Variants in CNKSR3 observed in about 807,000 individuals in gnomAD.
CNKSR3 encodes the protein CNKSR family member 3.
CNKSR3 carries 36 observed loss-of-function variants against 67.7 expected under a neutral mutation model. That is an observed-to-expected ratio of 0.53 (90% CI 0.41 to 0.70). CNKSR3 has a LOEUF of 0.70. Among genes scored for constraint, CNKSR3 ranks in the 30% least tolerant of loss-of-function variants. The pLI is 0.00. For synonymous variants in CNKSR3, 281 were observed against 271.4 expected, an observed-to-expected ratio of 1.04 and a Z score of -0.35; for missense variants, 630 against 695.2, an observed-to-expected ratio of 0.91 and a Z score of 1.05.
chr6:154,452,990 A>C (rs1177491768), intron 1 of CNKSR3, among the ~76,000 whole-genome samples: 2 of 152,212 alleles, frequency 1.3e-5, no homozygotes, highest in Admixed American at 6.5e-5. Flanking sequence ...AACATAATAC[A>C]AATACAATAA....
rs912253097 is a variant in CNKSR3 at position 154,388,259 on chromosome 6, C to T, written c.*18095G>A. 1.3e-5 allele frequency: 2 copies of T among 152,152 alleles called. No homozygotes were observed. The highest frequency in any genetic ancestry group is 2.4e-5 in the African/African-American group (1 of 41,440). The allele number at this position is 152,152 out of a possible 1,614,324, so 9.4% of individuals were successfully genotyped here. On this transcript the variant is annotated 3_prime_UTR_variant, in exon 13 of 13. Coordinates refer to ENST00000607772, the MANE Select transcript of CNKSR3 (RefSeq NM_173515.4). ...AATATCCCACATAAATTGAATCCTG[C>T]CATATTAGTCTTTCTGTTAATAGTT...
Position 154,394,039 on chromosome 6 carries a change from A to T in CNKSR3, c.*12315T>A. On this transcript the variant is annotated 3_prime_UTR_variant, in exon 13 of 13. Transcript: ENST00000607772. ...ATTGTCATTTCTTTTCTTTTGTGAG[A>T]TGAGGGTTTTGCTTTGTCATCCAGA... 6.6e-6 allele frequency: 1 copy of T among 152,196 alleles called. No homozygotes were observed. Among genetic ancestry groups the T allele is most frequent in the Non-Finnish European group, 1.5e-5 (1 of 68,024 alleles). The allele number at this position is 152,196 out of a possible 1,614,324, so 9.4% of individuals were successfully genotyped here.
At chr6:154,451,293 C>T (rs1035840184) in intron 1 of CNKSR3, among the ~76,000 whole-genome samples, 8 of 152,170 alleles carry the variant, frequency 5.3e-5, no homozygotes, top group Admixed American at 1.3e-4. Context: ...TAACATTTTA[C>T]CCTGAATCAA....
rs1366724198 is a variant in CNKSR3 at position 154,442,254 on chromosome 6, C to T, written c.253G>A (p.Val85Ile). ...GLETDNMKNL[V>I]LKLRASSHNL... ...TGGGAAGATGCTCTCAGTTTCAGAA[C>T]CAAGTTCTTCATGTTATCAGTTTCG... The change falls in exon 3 of 13, where the codon GTT (valine) becomes ATT (isoleucine). Residue 85 changes from valine (V) to isoleucine (I), a missense_variant. This residue lies in a region of CNKSR3 where 189 missense variants were observed against 205.0 expected (regional missense o/e 0.92). Coordinates refer to ENST00000607772, the MANE Select transcript of CNKSR3 (RefSeq NM_173515.4). The T allele has an allele frequency of 1.9e-6, 3 of 1,613,956 alleles. No homozygotes were observed. The highest frequency in any genetic ancestry group is 2.2e-5 in the East Asian group (1 of 44,896).
intron 10 of CNKSR3, among the ~76,000 whole-genome samples, chr6:154,413,139 T>TACACACACAC (rs60788837): frequency 2.1e-3 from 307 of 145,106 alleles, no homozygotes; most frequent in African/African-American, 5.0e-3. Flanking sequence ...GAATTTATGG[T>TACACACACAC]ACACACACAC....
chr6:154,450,317 C>G, intron 1 of CNKSR3, 59 bp from the exon 2 acceptor site: 2 of 1,518,686 alleles, frequency 1.3e-6, no homozygotes, highest in South Asian at 2.4e-5. Flanking sequence ...CCACCCCCTG[C>G]AAACTGCCCA....
At chr6:154,498,351 G>A (rs543667645) in intron 1 of CNKSR3, among the ~76,000 whole-genome samples, 3 of 142,102 alleles carry the variant, frequency 2.1e-5, no homozygotes, top group South Asian at 2.2e-4. Context: ...TTTGGTCTAC[G>A]TCAAAAAAAA....
At chr6:154,476,302 C>T (rs763840519) in intron 1 of CNKSR3, among the ~76,000 whole-genome samples, 14 of 151,932 alleles carry the variant, frequency 9.2e-5, no homozygotes, top group Non-Finnish European at 2.1e-4. Flanking sequence ...ACTAAAAACA[C>T]AAAAATTAGC....
chr6:154,497,075 C>A (rs1216430234), intron 1 of CNKSR3, among the ~76,000 whole-genome samples: 1 of 152,092 alleles, frequency 6.6e-6, no homozygotes, highest in East Asian at 1.9e-4. Context: ...AAGAGCCTGG[C>A]CCTTAAAGAA....
chr6:154,451,475 A>G (rs62432704), intron 1 of CNKSR3, among the ~76,000 whole-genome samples: 104,792 of 150,578 alleles, frequency 0.7, 36,558 homozygotes, highest in East Asian at 0.91. Context: ...CCAAACGCGC[A>G]CACACACACA....
At chr6:154,424,230 C>CAAAAAAAAAAA (rs56218677) in intron 7 of CNKSR3, among the ~76,000 whole-genome samples, 1 of 72,980 alleles carries the variant, frequency 1.4e-5, no homozygotes, top group Non-Finnish European at 3.0e-5. Flanking sequence ...GACTCCGTCT[C>CAAAAAAAAAAA]AAAAAAAAAA....
At chr6:154,507,294 A>T (rs1787121621) in intron 1 of CNKSR3, among the ~76,000 whole-genome samples, 1 of 152,238 alleles carries the variant, frequency 6.6e-6, no homozygotes, top group Non-Finnish European at 1.5e-5. Flanking sequence ...AATAACAAGG[A>T]GGTGAGATCC....
rs957308271 is a variant in CNKSR3 at position 154,433,669 on chromosome 6, A to T, written c.508-162T>A. On this transcript the variant is annotated intron_variant, in intron 4 of 12. Coordinates refer to ENST00000607772, the MANE Select transcript of CNKSR3 (RefSeq NM_173515.4). Reference sequence around the variant, plus strand: ...GACTGGGATGGGAATGAGAGGGCAGAGTGGGAACAGAGCTGACGTTTGCAC... The same window carrying T: ...GACTGGGATGGGAATGAGAGGGCAGTGTGGGAACAGAGCTGACGTTTGCAC... The T allele has an allele frequency of 6.5e-6, 4 of 615,068 alleles. No individual in the cohort carries two copies. The African/African-American group carries it at 7.5e-5, about 11-fold the overall frequency. 38.1% of individuals were successfully genotyped at this position (615,068 alleles called of 1,614,324 possible).
intron 7 of CNKSR3, among the ~76,000 whole-genome samples, chr6:154,423,937 T>C (rs570594763): frequency 3.1e-4 from 47 of 152,062 alleles, no homozygotes; most frequent in African/African-American, 1.1e-3. Flanking sequence ...AACAACAATA[T>C]ATATAAAGGG....
chr6:154,505,509 T>A (rs1016680491), intron 1 of CNKSR3, among the ~76,000 whole-genome samples: 2 of 149,324 alleles, frequency 1.3e-5, no homozygotes, highest in African/African-American at 4.9e-5. Flanking sequence ...TTTTTTTTTT[T>A]TTTTTTGAGA....
chr6:154,406,889 G>A lies in CNKSR3; in HGVS notation c.1370-237C>T, dbSNP rs201462765. ...AAACGTTTGAACCCGAGAGGCGGAGGTTGCAGTGAGCCAAGATCGCGCCAC... is the reference window on the plus strand; with the variant it reads ...AAACGTTTGAACCCGAGAGGCGGAGATTGCAGTGAGCCAAGATCGCGCCAC... On this transcript the variant is annotated intron_variant, in intron 12 of 12. Transcript: ENST00000607772. Among the ~76,000 whole-genome samples the A allele has an allele frequency of 1.2e-4, 18 of 151,756 alleles. 1 individual carries two copies. In the East Asian group the frequency reaches 3.5e-3, roughly 30 times the overall value.
At position 154,400,030 on chromosome 6, in the gene CNKSR3, TC is replaced by T. The variant is rs1395609233; in HGVS notation, c.*6323del. On this transcript the variant is annotated 3_prime_UTR_variant, in exon 13 of 13. Transcript: ENST00000607772. Reference sequence around the variant, plus strand: ...AAGAGGAGAGAAAATGATGAGAATATCCTTATCCCTGGGTGTGAGGAGTAAT... The same window carrying T: ...AAGAGGAGAGAAAATGATGAGAATATCTTATCCCTGGGTGTGAGGAGTAAT... 2 of 152,312 alleles carry T rather than the reference TC, an allele frequency of 1.3e-5. No homozygotes were observed. Among genetic ancestry groups the T allele is most frequent in the South Asian group, 2.1e-4 (1 of 4,830 alleles). The allele number at this position is 152,312 out of a possible 1,614,324, so 9.4% of individuals were successfully genotyped here.
intron 1 of CNKSR3, among the ~76,000 whole-genome samples, chr6:154,479,636 C>A (rs1370165515): frequency 6.6e-6 from 1 of 152,162 alleles, no homozygotes; most frequent in Non-Finnish European, 1.5e-5. Context: ...CGAGGCCCCC[C>A]ACTACAATTC....
At chr6:154,496,982 C>T (rs1159591522) in intron 1 of CNKSR3, among the ~76,000 whole-genome samples, 1 of 152,136 alleles carries the variant, frequency 6.6e-6, no homozygotes, top group Non-Finnish European at 1.5e-5. Flanking sequence ...GTTTCCTTAA[C>T]TCTAAGATGA....
Sources: gnomAD v4.1 joint callset for allele counts (sites outside exome capture counted in the v4.1 genomes callset) on GRCh38, gnomAD v4.1.1 for gene constraint, gnomAD v4.1.1 regional missense constraint, MANE v1.5 for transcripts, NCBI Gene and HGNC (gene_info 2026-07-23, HGNC 2026-07-21) for gene names.